Variants in LOC400499 observed in about 807,000 individuals in gnomAD.
chr16:11,526,378 C>A, the LOC400499 span, among the ~76,000 whole-genome samples: 1 of 152,090 alleles, frequency 6.6e-6, no homozygotes, highest in African/African-American at 2.4e-5. Flanking sequence ...GGTGAAACCC[C>A]GTCTCCACAA....
the LOC400499 span, among the ~76,000 whole-genome samples, chr16:11,377,503 T>A: frequency 6.6e-6 from 1 of 152,262 alleles, no homozygotes; most frequent in African/African-American, 2.4e-5. Flanking sequence ...TGAGTCTGTA[T>A]GTTTTTAATC....
the LOC400499 span, among the ~76,000 whole-genome samples, chr16:11,427,791 G>T: frequency 3.9e-3 from 589 of 152,246 alleles, 3 homozygotes; most frequent in African/African-American, 0.013. Flanking sequence ...TCAGAGGAAC[G>T]AAGAAAGGGA....
At chr16:11,483,135 T>C in the LOC400499 span, among the ~76,000 whole-genome samples, 1 of 152,166 alleles carries the variant, frequency 6.6e-6, no homozygotes, top group Admixed American at 6.5e-5. Flanking sequence ...TTAGAATGGC[T>C]AAAATTAAAA....
the LOC400499 span, among the ~76,000 whole-genome samples, chr16:11,398,850 G>A: frequency 6.6e-6 from 1 of 152,004 alleles, no homozygotes; most frequent in Non-Finnish European, 1.5e-5. Context: ...TAGTAGAGAT[G>A]GGGTTTCGCC....
the LOC400499 span, among the ~76,000 whole-genome samples, chr16:11,455,799 G>C: frequency 6.7e-6 from 1 of 150,098 alleles, no homozygotes; most frequent in African/African-American, 2.4e-5. Flanking sequence ...ATGTGACAAA[G>C]AGGATGTATA....
At chr16:11,471,425 G>T in the LOC400499 span, 1 of 377,874 alleles carries the variant, frequency 2.6e-6, no homozygotes. Context: ...AGGCTTCCCT[G>T]AGGAAGTGAC....
At chr16:11,514,066 C>G in the LOC400499 span, among the ~76,000 whole-genome samples, 1 of 152,112 alleles carries the variant, frequency 6.6e-6, no homozygotes, top group Non-Finnish European at 1.5e-5. Flanking sequence ...CTAAAATGGG[C>G]AGACTGAGGG....
the LOC400499 span, chr16:11,522,190 C>A: frequency 2.5e-6 from 1 of 398,584 alleles, no homozygotes; most frequent in East Asian, 3.6e-5. Flanking sequence ...CTCCAGCCAT[C>A]CTTGCTCACA....
the LOC400499 span, chr16:11,448,087 C>T: frequency 2.6e-6 from 4 of 1,532,118 alleles, no homozygotes; most frequent in African/African-American, 1.4e-5. Flanking sequence ...CAACAAGATC[C>T]AGGCTGAAGA....
chr16:11,521,023 C>T, the LOC400499 span, among the ~76,000 whole-genome samples: 1 of 151,916 alleles, frequency 6.6e-6, no homozygotes, highest in Non-Finnish European at 1.5e-5. Flanking sequence ...GAAAACTGGC[C>T]CTGCAGATAA....
At chr16:11,385,607 C>T in the LOC400499 span, among the ~76,000 whole-genome samples, 1 of 152,236 alleles carries the variant, frequency 6.6e-6, no homozygotes, top group African/African-American at 2.4e-5. Flanking sequence ...ATGACATGAG[C>T]TGAAGGTCTA....
At chr16:11,461,043 C>T in the LOC400499 span, 34 of 1,536,154 alleles carry the variant, frequency 2.2e-5, no homozygotes, top group Non-Finnish European at 2.7e-5. Context: ...CACGAAGCCC[C>T]ACCAGCCCTG....
chr16:11,452,015 C>A, the LOC400499 span, among the ~76,000 whole-genome samples: 1 of 152,132 alleles, frequency 6.6e-6, no homozygotes, highest in Non-Finnish European at 1.5e-5. Context: ...GGGAAACCCA[C>A]CGGTCTGCAC....
At chr16:11,483,359 T>G in the LOC400499 span, among the ~76,000 whole-genome samples, 3 of 152,318 alleles carry the variant, frequency 2.0e-5, no homozygotes, top group Admixed American at 6.5e-5. Flanking sequence ...CAAATATTCA[T>G]AGCAGCTTTC....
the LOC400499 span, among the ~76,000 whole-genome samples, chr16:11,480,775 T>C: frequency 1.8e-3 from 270 of 152,302 alleles, 2 homozygotes; most frequent in African/African-American, 6.2e-3. Flanking sequence ...CAGCAACTGA[T>C]GGATACAGAA....
chr16:11,480,856 G>C, the LOC400499 span, among the ~76,000 whole-genome samples: 13 of 152,168 alleles, frequency 8.5e-5, no homozygotes, highest in South Asian at 2.1e-4. Flanking sequence ...ACACACCACA[G>C]GACAGAGAAA....
At chr16:11,527,111 T>C in the LOC400499 span, among the ~76,000 whole-genome samples, 1 of 152,150 alleles carries the variant, frequency 6.6e-6, no homozygotes. Context: ...TTACTTACTC[T>C]CCGCAGTCAC....
At chr16:11,440,272 C>A in the LOC400499 span, among the ~76,000 whole-genome samples, 1 of 152,322 alleles carries the variant, frequency 6.6e-6, no homozygotes, top group East Asian at 1.9e-4. Context: ...ATTTCCTTTT[C>A]TTCCTGGACA....
the LOC400499 span, among the ~76,000 whole-genome samples, chr16:11,409,551 G>C: frequency 6.6e-6 from 1 of 152,338 alleles, no homozygotes; most frequent in Non-Finnish European, 1.5e-5. Context: ...CTCTGTTCTA[G>C]ATTAAGAAAA....
Sources: gnomAD v4.1 joint callset for allele counts (sites outside exome capture counted in the v4.1 genomes callset) on GRCh38, gnomAD v4.1.1 for gene constraint, MANE v1.5 for transcripts.